PDE3A: variants seen among roughly 807,000 people sequenced by gnomAD.
PDE3A encodes cGMP-inhibited 3',5'-cyclic phosphodiesterase 3A.
PDE3A carries 43 observed loss-of-function variants against 98.3 expected under a neutral mutation model. The ratio of observed to expected loss-of-function variants is 0.44; its 90% CI spans 0.34 to 0.56. The LOEUF (loss-of-function observed/expected upper bound fraction) is 0.56. Ranked by LOEUF, PDE3A falls within the 20% of genes least tolerant of loss-of-function variation. The pLI is 0.01. For missense variants in PDE3A, 1,427 were observed against 1,440.7 expected (o/e 0.99, Z 0.15); for synonymous variants, 663 against 567.9 (o/e 1.17, Z -2.38).
At chr12:20,628,090 A>G in intron 5 of PDE3A, among the ~76,000 whole-genome samples, 1 of 152,078 alleles carries the variant, frequency 6.6e-6, no homozygotes, top group East Asian at 1.9e-4. Flanking sequence ...TTATAAAATT[A>G]TAATAAGAAA....
intron 1 of PDE3A, among the ~76,000 whole-genome samples, chr12:20,545,136 T>C (rs1374411696): frequency 6.6e-6 from 1 of 152,034 alleles, no homozygotes; most frequent in Non-Finnish European, 1.5e-5. Flanking sequence ...TGTAAAAATT[T>C]CAAGTAATCA....
intron 1 of PDE3A, among the ~76,000 whole-genome samples, chr12:20,510,381 A>C (rs1241929497): frequency 6.6e-6 from 1 of 152,130 alleles, no homozygotes; most frequent in Non-Finnish European, 1.5e-5. Context: ...GAAATTGACT[A>C]TATTTAATTA....
intron 1 of PDE3A, among the ~76,000 whole-genome samples, chr12:20,547,556 T>C (rs1942090121): frequency 6.6e-6 from 1 of 152,190 alleles, no homozygotes; most frequent in Non-Finnish European, 1.5e-5. Context: ...TCAGCTGCTG[T>C]AAAAGAATAG....
At chr12:20,374,384 A>T (rs898201299) in intron 1 of PDE3A, among the ~76,000 whole-genome samples, 1 of 152,120 alleles carries the variant, frequency 6.6e-6, no homozygotes, top group African/African-American at 2.4e-5. Context: ...AAGTGTAAAA[A>T]GTTAAAACTG....
rs10657239 is a variant in PDE3A at position 20,481,764 on chromosome 12, A to ATTTTTTTTTTTTTTTTT, written c.961-74890_961-74874dup. Among the ~76,000 whole-genome samples, 14 of 79,594 alleles carry ATTTTTTTTTTTTTTTTT rather than the reference A, an allele frequency of 1.8e-4. 3 individuals are homozygous for ATTTTTTTTTTTTTTTTT. The highest frequency in any genetic ancestry group is 6.7e-4 in the African/African-American group (13 of 19,306). The allele number at this position is 79,594 out of a possible 152,430, so 52.2% of individuals were successfully genotyped here. ...TCCATGTAAGTGACTTGGGAAATAG[A>ATTTTTTTTTTTTTTTTT]TTTTTTTTTTTTTTTTTTTTTTGAG... On this transcript the variant is annotated intron_variant, in intron 1 of 15. Transcript: ENST00000359062.
intron 10 of PDE3A, among the ~76,000 whole-genome samples, chr12:20,641,650 G>A (rs111976376): frequency 0.028 from 4,312 of 152,176 alleles, 88 homozygotes; most frequent in Non-Finnish European, 0.043. Flanking sequence ...CTTTTTCACA[G>A]GTGGTATATC....
chr12:20,402,896 A>G (rs1591892074), intron 1 of PDE3A, among the ~76,000 whole-genome samples: 1 of 152,166 alleles, frequency 6.6e-6, no homozygotes, highest in East Asian at 1.9e-4. Flanking sequence ...CTTGGGTACC[A>G]GTAAAGATTA....
chr12:20,519,996 C>A (rs944839398), intron 1 of PDE3A, among the ~76,000 whole-genome samples: 1 of 152,080 alleles, frequency 6.6e-6, no homozygotes, highest in Non-Finnish European at 1.5e-5. Context: ...GCAGCTGATT[C>A]GGATTTAAAG....
At chr12:20,649,842 G>A (rs1027956011) in intron 13 of PDE3A, among the ~76,000 whole-genome samples, 5 of 152,074 alleles carry the variant, frequency 3.3e-5, no homozygotes, top group African/African-American at 4.8e-5. Context: ...CAGGAAGATT[G>A]CTTGAACCCA....
chr12:20,371,318 T>C lies in PDE3A; in HGVS notation c.960+1074T>C, dbSNP rs915708172. On this transcript the variant is annotated intron_variant, in intron 1 of 15. Transcript: ENST00000359062. ...GTATGCCTCCCTAGTTGAAGCAGAT[T>C]TGTTCACCTCTCTATTTGAAGTGGA... 17 of 983,382 alleles carry C rather than the reference T, an allele frequency of 1.7e-5. No homozygotes were observed. In the South Asian group the frequency reaches 7.5e-4, roughly 44 times the overall value. The allele number at this position is 983,382 out of a possible 1,614,324, so 60.9% of individuals were successfully genotyped here.
intron 15 of PDE3A, among the ~76,000 whole-genome samples, chr12:20,662,219 G>A (rs373031480): frequency 5.9e-5 from 9 of 152,196 alleles, no homozygotes; most frequent in East Asian, 5.8e-4. Context: ...CAGAAGACAG[G>A]AAAATATAGG....
intron 1 of PDE3A, among the ~76,000 whole-genome samples, chr12:20,455,029 C>T (rs1392221477): frequency 6.6e-6 from 1 of 152,118 alleles, no homozygotes; most frequent in Admixed American, 6.5e-5. Flanking sequence ...CTGTTTTTAG[C>T]TCTTTGTGGA....
At chr12:20,657,492 T>C (rs1301112954) in intron 15 of PDE3A, among the ~76,000 whole-genome samples, 1 of 152,158 alleles carries the variant, frequency 6.6e-6, no homozygotes, top group Non-Finnish European at 1.5e-5. Flanking sequence ...GAATAAAATG[T>C]TTCAATATGG....
In PDE3A at chr12:20,688,465, A is replaced by G. The variant is rs185683666; in HGVS notation, c.*8194A>G. Among the ~76,000 whole-genome samples the G allele has an allele frequency of 1.1e-4, 16 of 151,350 alleles. No homozygotes were observed. Among genetic ancestry groups the G allele is most frequent in the African/African-American group, 3.6e-4 (15 of 41,390 alleles). ...CTGGAAGTGCCTCTTGGTTTTATAT[A>G]TATAATATATAAATATTACAGTAAA... On this transcript the variant is annotated 3_prime_UTR_variant, in exon 16 of 16. Coordinates refer to ENST00000359062, the MANE Select transcript of PDE3A (RefSeq NM_000921.5).
intron 1 of PDE3A, among the ~76,000 whole-genome samples, chr12:20,508,543 C>T (rs1946158887): frequency 1.3e-5 from 2 of 151,710 alleles, no homozygotes; most frequent in African/African-American, 4.8e-5. Context: ...GAAAAAAATG[C>T]ATTCTTAGAG....
chr12:20,421,776 G>T (rs1944515904), intron 1 of PDE3A, among the ~76,000 whole-genome samples: 1 of 152,054 alleles, frequency 6.6e-6, no homozygotes, highest in Non-Finnish European at 1.5e-5. Flanking sequence ...CTAGCTTCTT[G>T]CTCCTTTGAA....
At chr12:20,438,631 A>G (rs1944817055) in intron 1 of PDE3A, among the ~76,000 whole-genome samples, 1 of 152,172 alleles carries the variant, frequency 6.6e-6, no homozygotes, top group African/African-American at 2.4e-5. Flanking sequence ...TGGACTTGCT[A>G]TGATGTGAGT....
chr12:20,652,657 T>A (rs1216252536), intron 14 of PDE3A, among the ~76,000 whole-genome samples: 1 of 152,180 alleles, frequency 6.6e-6, no homozygotes, highest in African/African-American at 2.4e-5. Flanking sequence ...TCATTGTAGA[T>A]TCTGGATATT....
At chr12:20,652,097 C>T (rs1421899031) in intron 14 of PDE3A, among the ~76,000 whole-genome samples, 1 of 152,172 alleles carries the variant, frequency 6.6e-6, no homozygotes, top group African/African-American at 2.4e-5. Context: ...AGGACATGAA[C>T]TCATCCTTTT....
Sources: gnomAD v4.1 joint callset for allele counts (sites outside exome capture counted in the v4.1 genomes callset) on GRCh38, gnomAD v4.1.1 for gene constraint, MANE v1.5 for transcripts, NCBI Gene and HGNC (gene_info 2026-07-23, HGNC 2026-07-21) for gene names.